KANSL1: variants seen among roughly 807,000 people sequenced by gnomAD.
KANSL1 encodes KAT8 regulatory NSL complex subunit 1.
A neutral mutation model predicts 103.6 loss-of-function variants in KANSL1; 22 were observed. The ratio of observed to expected loss-of-function variants is 0.21; its 90% CI spans 0.15 to 0.30. KANSL1 has a LOEUF of 0.30. Ranked by LOEUF, KANSL1 falls within the 10% of genes least tolerant of loss-of-function variation. KANSL1 has a pLI of 1.00. For synonymous variants in KANSL1, 600 were observed against 527.6 expected (o/e 1.14, Z -1.88); for missense variants, 1,337 against 1,399.8 (o/e 0.96, Z 0.72).
intron 2 of KANSL1, among the ~76,000 whole-genome samples, chr17:46,127,153 A>T (rs562306328): frequency 6.6e-6 from 1 of 152,364 alleles, no homozygotes; most frequent in East Asian, 1.9e-4. Context: ...AGTTCAAAGG[A>T]CTATTTTCAC....
intron 1 of KANSL1, among the ~76,000 whole-genome samples, chr17:46,178,994 T>C (rs2046656842): frequency 1.3e-5 from 2 of 152,220 alleles, no homozygotes; most frequent in Non-Finnish European, 2.9e-5. Flanking sequence ...ACTTCTAGGA[T>C]AGAGTTTCTC....
At chr17:46,152,658 A>G (rs921557744) in intron 2 of KANSL1, among the ~76,000 whole-genome samples, 6 of 152,134 alleles carry the variant, frequency 3.9e-5, no homozygotes, top group African/African-American at 1.4e-4. Flanking sequence ...AGACTGACAC[A>G]GGTGGTAAAT....
chr17:46,061,041 T>G (rs1384987978), intron 6 of KANSL1, among the ~76,000 whole-genome samples: 2 of 152,148 alleles, frequency 1.3e-5, no homozygotes, highest in African/African-American at 2.4e-5. Flanking sequence ...CAATAAAAAT[T>G]TCAAGGGTAT....
At chr17:46,126,246 A>G (rs2043550983) in intron 2 of KANSL1, among the ~76,000 whole-genome samples, 1 of 152,312 alleles carries the variant, frequency 6.6e-6, no homozygotes, top group Admixed American at 6.5e-5. Context: ...GTTCGAGACC[A>G]GCCTGGCCAA....
At chr17:46,120,744 C>T (rs1312815248) in intron 2 of KANSL1, among the ~76,000 whole-genome samples, 1 of 152,148 alleles carries the variant, frequency 6.6e-6, no homozygotes, top group East Asian at 1.9e-4. Flanking sequence ...CCAATACTTG[C>T]ATATTCTTAT....
Position 46,120,855 on chromosome 17 carries a change from A to T in KANSL1, c.1290-26154T>A, listed in dbSNP as rs572415675. Among the ~76,000 whole-genome samples, 91 of 152,306 alleles carry T rather than the reference A, an allele frequency of 6.0e-4. No homozygotes were observed. The South Asian group carries it at 0.015, about 25-fold the overall frequency. On this transcript the variant is annotated intron_variant, in intron 2 of 14. Transcript: ENST00000432791. ...ATTTTACAATATGCAATACCAAAAA[A>T]TACAGCTAGATTCAAAGAGAGAATG...
intron 4 of KANSL1, among the ~76,000 whole-genome samples, chr17:46,078,690 T>G (rs2078877588): frequency 6.6e-6 from 1 of 152,272 alleles, no homozygotes; most frequent in Non-Finnish European, 1.5e-5. Context: ...GTAATTTACC[T>G]AGTAATATGC....
At chr17:46,159,435 C>T (rs1259190625) in intron 2 of KANSL1, among the ~76,000 whole-genome samples, 1 of 152,210 alleles carries the variant, frequency 6.6e-6, no homozygotes, top group Non-Finnish European at 1.5e-5. Flanking sequence ...TTTTCTGGTA[C>T]TTGCCAAATC....
At chr17:46,152,459 T>C (rs1440974607) in intron 2 of KANSL1, among the ~76,000 whole-genome samples, 1 of 152,216 alleles carries the variant, frequency 6.6e-6, no homozygotes, top group African/African-American at 2.4e-5. Flanking sequence ...TTTGTAGTTT[T>C]ATTCCTAAAA....
intron 4 of KANSL1, among the ~76,000 whole-genome samples, chr17:46,077,791 C>T (rs56100031): frequency 0.14 from 21,783 of 152,094 alleles, 2,125 homozygotes; most frequent in Non-Finnish European, 0.22. Flanking sequence ...CTTCTGACCT[C>T]AGGTGATCCA....
intron 2 of KANSL1, among the ~76,000 whole-genome samples, chr17:46,144,612 G>A (rs1204558426): frequency 6.6e-6 from 1 of 152,090 alleles, no homozygotes; most frequent in Non-Finnish European, 1.5e-5. Flanking sequence ...TATGACAGGG[G>A]GTACCACGTG....
At position 46,170,574 on chromosome 17, in the gene KANSL1, C is replaced by T. The variant is rs2046232047; in HGVS notation, c.1289+281G>A. 9 of 457,806 alleles carry T rather than the reference C, an allele frequency of 2.0e-5. No homozygotes were observed. In the South Asian group the frequency reaches 4.4e-4, roughly 22 times the overall value. 28.4% of individuals were successfully genotyped at this position (457,806 alleles called of 1,614,324 possible). A position where few individuals can be genotyped will look rare whatever the true frequency, so the allele number is the denominator to read the frequency against. ...ATCTAAATTCACTCTTAAAGAGGTACTAGTACAATTTTACACATAAGATGT... is the reference window on the plus strand; with the variant it reads ...ATCTAAATTCACTCTTAAAGAGGTATTAGTACAATTTTACACATAAGATGT... On this transcript the variant is annotated intron_variant, in intron 2 of 14. Transcript: ENST00000432791.
At chr17:46,038,980 C>T in intron 9 of KANSL1, 47 bp downstream of exon 9, 1 of 1,585,978 alleles carries the variant, frequency 6.3e-7, no homozygotes, top group South Asian at 1.1e-5. Flanking sequence ...CCAGAAAGCC[C>T]TGAGCAGGTG....
chr17:46,196,880 G>A (rs1287320324), upstream of KANSL1, among the ~76,000 whole-genome samples: 3 of 152,204 alleles, frequency 2.0e-5, no homozygotes, highest in Admixed American at 6.5e-5. Flanking sequence ...GCCAATGTGA[G>A]AGTATTGCTT....
chr17:46,034,379 G>GC (rs1354515115), intron 10 of KANSL1, 94 bp from the exon 11 acceptor site: 1 of 1,420,272 alleles, frequency 7.0e-7, no homozygotes, highest in Non-Finnish European at 9.8e-7. Flanking sequence ...CAATAACCAA[G>GC]CATCTGGGTC....
chr17:46,059,371 C>T lies in KANSL1; in HGVS notation c.1848+7166G>A, dbSNP rs1426584094. On this transcript the variant is annotated intron_variant, in intron 6 of 14. Transcript: ENST00000432791. Reference sequence around the variant, plus strand: ...CAGTGGCTCACACCTGTAATCCCAGCACTTTGGGAGGCTGAGGCGGGCAGA... The same window carrying T: ...CAGTGGCTCACACCTGTAATCCCAGTACTTTGGGAGGCTGAGGCGGGCAGA... Among the ~76,000 whole-genome samples the T allele has an allele frequency of 3.9e-5, 6 of 152,138 alleles. No individual in the cohort carries two copies. In the East Asian group the frequency reaches 1.2e-3, roughly 30 times the overall value.
chr17:46,115,223 C>A (rs2042991423), intron 2 of KANSL1, among the ~76,000 whole-genome samples: 1 of 144,432 alleles, frequency 6.9e-6, no homozygotes, highest in Non-Finnish European at 1.6e-5. Flanking sequence ...CCACACCCAG[C>A]TAATTTTTTT....
chr17:46,094,657 A>G lies in KANSL1; in HGVS notation c.1334T>C (p.Ile445Thr). ...EWKWAADRAA[I>T]VSRWNWLQAH... is the part of the protein sequence containing the mutation. ...CTGAAGCCAGTTCCAGCGGCTGACA[A>G]TAGCTGCCCGGTCTGCAGCCCATTT... Residue 445 changes from isoleucine to threonine, a missense_variant, in exon 3 of 15, where the codon ATT (isoleucine) becomes ACT (threonine). Around this residue, in one of 2 missense-constraint regions of KANSL1, gnomAD observed 780 missense variants for 923.4 expected, o/e 0.84. Coordinates refer to ENST00000432791, the MANE Select transcript of KANSL1 (RefSeq NM_015443.4). 1 of 1,614,208 alleles carries G rather than the reference A, an allele frequency of 6.2e-7. No individual in the cohort carries two copies. Among genetic ancestry groups the G allele is most frequent in the Non-Finnish European group, 8.5e-7 (1 of 1,180,054 alleles).
intron 2 of KANSL1, among the ~76,000 whole-genome samples, chr17:46,128,609 G>A (rs1320350592): frequency 6.6e-6 from 1 of 152,252 alleles, no homozygotes. Flanking sequence ...TGAACAGGGT[G>A]AAGAACAGAG....
Sources: allele counts gnomAD v4.1 joint callset (sites outside exome capture counted in the v4.1 genomes callset), GRCh38; gene constraint gnomAD v4.1.1; regional missense constraint gnomAD v4.1.1; transcripts MANE v1.5; gene names NCBI Gene and HGNC (gene_info 2026-07-23, HGNC 2026-07-21).